The following ZBTB7C variants were observed in gnomAD, a reference collection of about 807,000 sequenced individuals.
ZBTB7C encodes zinc finger and BTB domain containing 7C.
A neutral mutation model predicts 25.7 loss-of-function variants in ZBTB7C; 8 were observed. The observed-to-expected ratio is 0.31, with a 90% CI of 0.18 to 0.56. The LOEUF is 0.56. Ranked by LOEUF, ZBTB7C falls within the 20% of genes least tolerant of loss-of-function variation. ZBTB7C has a pLI of 0.91. For missense variants in ZBTB7C, 824 were observed against 855.2 expected (o/e 0.96, Z 0.46); for synonymous variants, 394 against 369.0 (o/e 1.07, Z -0.78).
chr18:48,219,951 G>A (rs2042911121), intron 2 of ZBTB7C, among the ~76,000 whole-genome samples: 1 of 152,168 alleles, frequency 6.6e-6, no homozygotes, highest in Admixed American at 6.5e-5. Flanking sequence ...CATGTGTCCT[G>A]TTATGGCCCC....
At chr18:48,328,204 A>G (rs2046268840) in intron 2 of ZBTB7C, among the ~76,000 whole-genome samples, 1 of 151,826 alleles carries the variant, frequency 6.6e-6, no homozygotes, top group Non-Finnish European at 1.5e-5. Context: ...AAAAAAAGAA[A>G]TTAAGTGAAA....
At chr18:48,032,851 A>G (rs985850550) in intron 4 of ZBTB7C, among the ~76,000 whole-genome samples, 2 of 152,144 alleles carry the variant, frequency 1.3e-5, no homozygotes, top group African/African-American at 4.8e-5. Flanking sequence ...CAAACTTCTC[A>G]TTAGTGTATC....
At chr18:48,209,926 T>C (rs1198468666) in intron 2 of ZBTB7C, among the ~76,000 whole-genome samples, 1 of 152,162 alleles carries the variant, frequency 6.6e-6, no homozygotes, top group Non-Finnish European at 1.5e-5. Flanking sequence ...ATATATCTGA[T>C]AAGGGACTTG....
chr18:48,054,275 G>A (rs1254443525), intron 3 of ZBTB7C, among the ~76,000 whole-genome samples: 2 of 152,160 alleles, frequency 1.3e-5, no homozygotes, highest in Non-Finnish European at 2.9e-5. Flanking sequence ...GAGCAGGGAG[G>A]GAAGGGCGGC....
chr18:48,321,295 G>A (rs562239885), intron 2 of ZBTB7C, among the ~76,000 whole-genome samples: 2 of 152,278 alleles, frequency 1.3e-5, no homozygotes, highest in South Asian at 4.1e-4. Context: ...GCCCTGGCTG[G>A]TGCATCCTCC....
At chr18:48,093,863 G>C (rs1257490801) in intron 3 of ZBTB7C, among the ~76,000 whole-genome samples, 1 of 152,052 alleles carries the variant, frequency 6.6e-6, no homozygotes, top group Non-Finnish European at 1.5e-5. Context: ...AGACCATCCT[G>C]GCTAACATGG....
intron 1 of ZBTB7C, among the ~76,000 whole-genome samples, chr18:48,347,708 T>C (rs1050349745): frequency 6.6e-6 from 1 of 152,168 alleles, no homozygotes; most frequent in Non-Finnish European, 1.5e-5. Flanking sequence ...AACTCCCTGC[T>C]CAGGGATGGA....
intron 2 of ZBTB7C, among the ~76,000 whole-genome samples, chr18:48,224,197 T>G (rs1019667433): frequency 3.3e-5 from 5 of 152,208 alleles, no homozygotes; most frequent in African/African-American, 1.2e-4. Flanking sequence ...TTCTAAGTGG[T>G]TCAGGGCCTG....
At chr18:48,380,493 T>A (rs1026783443) in intron 1 of ZBTB7C, among the ~76,000 whole-genome samples, 5 of 152,268 alleles carry the variant, frequency 3.3e-5, no homozygotes, top group Middle Eastern at 3.4e-3. Flanking sequence ...ATACAAGTGG[T>A]TACATATAAA....
chr18:48,035,446 T>C (rs999242161), intron 4 of ZBTB7C, among the ~76,000 whole-genome samples: 9 of 152,348 alleles, frequency 5.9e-5, no homozygotes, highest in African/African-American at 1.9e-4. Context: ...CAGCCAGCCA[T>C]GCTCTCTAGG....
rs776740049 is a variant in ZBTB7C, at chr18:48,029,575, G to A, written c.1545C>T (p.Gly515=). The change falls in exon 5 of 5, where the codon GGC becomes GGT. Residue 515 remains glycine, a synonymous_variant. Transcript: ENST00000590800. ...FVMPPALGEV[G]GHLGGAAVCL... The stretch of plus-strand genomic sequence containing the variant: ...ACACAGCTGCGCCGCCCAGGTGGCC[G>A]CCCACCTCGCCCAGCGCAGGGGGCA... The A allele has an allele frequency of 7.6e-5, 113 of 1,487,306 alleles. No homozygotes were observed. The Admixed American group carries it at 2.0e-3, about 27-fold the overall frequency. The allele number at this position is 1,487,306 out of a possible 1,614,324, so 92.1% of individuals were successfully genotyped here. A position where few individuals can be genotyped will look rare whatever the true frequency, so the allele number is the denominator to read the frequency against.
chr18:48,317,359 G>A (rs1411923985), intron 2 of ZBTB7C, among the ~76,000 whole-genome samples: 3 of 151,232 alleles, frequency 2.0e-5, no homozygotes, highest in Non-Finnish European at 4.4e-5. Flanking sequence ...CAAAGCTAAA[G>A]CCTTTAGTGG....
At chr18:48,231,447 C>A (rs1198620498) in intron 2 of ZBTB7C, among the ~76,000 whole-genome samples, 1 of 152,172 alleles carries the variant, frequency 6.6e-6, no homozygotes, top group Non-Finnish European at 1.5e-5. Flanking sequence ...GATGAACTGC[C>A]TGCAGAGAGC....
intron 2 of ZBTB7C, among the ~76,000 whole-genome samples, chr18:48,211,202 T>C (rs530575359): frequency 5.0e-4 from 76 of 152,160 alleles, no homozygotes; most frequent in Non-Finnish European, 1.0e-3. Context: ...GGGTGAATCA[T>C]AGACCTAAAT....
intron 3 of ZBTB7C, among the ~76,000 whole-genome samples, chr18:48,043,274 A>AAAC (rs777872215): frequency 6.6e-5 from 10 of 152,226 alleles, no homozygotes; most frequent in Non-Finnish European, 1.5e-4. Flanking sequence ...TGTCCATGAA[A>AAAC]AACTCATACA....
At chr18:48,035,701 A>G (rs1441374016) in intron 4 of ZBTB7C, among the ~76,000 whole-genome samples, 1 of 152,230 alleles carries the variant, frequency 6.6e-6, no homozygotes, top group Non-Finnish European at 1.5e-5. Context: ...CATGAAGACA[A>G]ATGCTTTATC....
At chr18:48,344,677 A>G (rs1009236190) in intron 1 of ZBTB7C, among the ~76,000 whole-genome samples, 6 of 152,248 alleles carry the variant, frequency 3.9e-5, no homozygotes, top group Non-Finnish European at 4.4e-5. Context: ...GCCAACCAAT[A>G]AAAATAATGC....
At chr18:48,180,904 C>A (rs1489341469) in intron 3 of ZBTB7C, among the ~76,000 whole-genome samples, 1 of 152,172 alleles carries the variant, frequency 6.6e-6, no homozygotes, top group East Asian at 1.9e-4. Flanking sequence ...TTGATGCAGT[C>A]CATTTTAAGT....
chr18:48,140,513 A>AC (rs146044082), intron 3 of ZBTB7C, among the ~76,000 whole-genome samples: 3,128 of 152,268 alleles, frequency 0.021, 113 homozygotes, highest in African/African-American at 0.072. Flanking sequence ...ACTCAAGGCA[A>AC]CCTGGGGTTC....
Sources: allele counts gnomAD v4.1 joint callset (sites outside exome capture counted in the v4.1 genomes callset), GRCh38; gene constraint gnomAD v4.1.1; transcripts MANE v1.5; gene names NCBI Gene and HGNC (gene_info 2026-07-23, HGNC 2026-07-21).